The following LYRM4 variants were observed in gnomAD, a reference collection of about 807,000 sequenced individuals.
LYRM4 encodes LYR motif-containing protein 4.
A neutral mutation model predicts 11.7 loss-of-function variants in LYRM4; 9 were observed. The observed-to-expected ratio is 0.77, with a 90% CI of 0.46 to 1.34. The LOEUF is 1.34. Among genes scored for constraint, LYRM4 ranks in the 40% most tolerant of loss-of-function variants. LYRM4 has a pLI of 0.00. For synonymous variants in LYRM4, 42 were observed against 40.4 expected (o/e 1.04, Z -0.15); for missense variants, 133 against 112.5 (o/e 1.18, Z -0.82).
At chr6:5,144,885 T>G (rs918105630) in intron 2 of LYRM4, among the ~76,000 whole-genome samples, 23 of 152,206 alleles carry the variant, frequency 1.5e-4, no homozygotes, top group African/African-American at 4.6e-4. Flanking sequence ...AGGTCTCCTT[T>G]AGGTCTGTGC....
At chr6:5,258,911 A>G (rs1212733306) in intron 1 of LYRM4, among the ~76,000 whole-genome samples, 3 of 152,246 alleles carry the variant, frequency 2.0e-5, no homozygotes, top group Admixed American at 2.0e-4. Context: ...AGTTTCGTGA[A>G]TGATTTTCCT....
chr6:5,197,481 G>T (rs1222574996), intron 2 of LYRM4, among the ~76,000 whole-genome samples: 2 of 152,034 alleles, frequency 1.3e-5, no homozygotes, highest in Non-Finnish European at 2.9e-5. Context: ...AGACCAGCCT[G>T]GCCAAGATGG....
chr6:5,120,944 C>G (rs564593120), intron 2 of LYRM4, among the ~76,000 whole-genome samples: 2 of 152,186 alleles, frequency 1.3e-5, no homozygotes, highest in African/African-American at 4.8e-5. Flanking sequence ...GGTGGCCCAG[C>G]CCTACCTGTG....
chr6:5,157,470 T>C (rs572186225), intron 2 of LYRM4, among the ~76,000 whole-genome samples: 27 of 150,358 alleles, frequency 1.8e-4, no homozygotes, highest in Admixed American at 3.3e-4. Flanking sequence ...GTTCTTTGCA[T>C]GAGCCCTGCA....
chr6:5,072,835 G>C, the LYRM4 span, among the ~76,000 whole-genome samples: 1 of 151,874 alleles, frequency 6.6e-6, no homozygotes, highest in Admixed American at 6.6e-5. Flanking sequence ...GAGGGGCAGG[G>C]GATGAAGACT....
At chr6:5,180,376 A>G (rs922412128) in intron 2 of LYRM4, among the ~76,000 whole-genome samples, 7 of 152,134 alleles carry the variant, frequency 4.6e-5, no homozygotes, top group Non-Finnish European at 1.0e-4. Flanking sequence ...TCCTGTCAAT[A>G]TTCAGTCTGC....
the LYRM4 span, among the ~76,000 whole-genome samples, chr6:5,055,292 C>A: frequency 2.0e-5 from 3 of 152,184 alleles, no homozygotes; most frequent in Admixed American, 1.3e-4. This position sits in a 1 kb window ranked among gnomAD's most constrained non-coding sequence, Gnocchi z 4.5. Flanking sequence ...CCACCTTGGG[C>A]ACATGTTCTC....
the LYRM4 span, among the ~76,000 whole-genome samples, chr6:5,035,249 G>T: frequency 1.3e-5 from 2 of 151,936 alleles, no homozygotes; most frequent in African/African-American, 4.8e-5. Flanking sequence ...CCTTACCCTG[G>T]GGGGTCCAGT....
intron 1 of LYRM4, among the ~76,000 whole-genome samples, chr6:5,225,796 G>C (rs1168652072): frequency 2.0e-5 from 3 of 152,180 alleles, no homozygotes; most frequent in Admixed American, 2.0e-4. Flanking sequence ...ACATTATAAG[G>C]CTGTTTTCCT....
intron 1 of LYRM4, among the ~76,000 whole-genome samples, chr6:5,253,094 A>C (rs1020221911): frequency 4.6e-5 from 7 of 152,208 alleles, no homozygotes; most frequent in Non-Finnish European, 2.9e-5. Flanking sequence ...TAGGAGGCTC[A>C]TTTTGATCTG....
At chr6:5,086,391 C>G in the LYRM4 span, 1 of 1,536,222 alleles carries the variant, frequency 6.5e-7, no homozygotes, top group Non-Finnish European at 8.7e-7. Flanking sequence ...GCTTCCACTT[C>G]TCGCTGTGCC....
At chr6:5,196,804 A>G (rs1761080529) in intron 2 of LYRM4, among the ~76,000 whole-genome samples, 1 of 152,138 alleles carries the variant, frequency 6.6e-6, no homozygotes, top group African/African-American at 2.4e-5. Context: ...CTCCTTTCTC[A>G]CAGGAAAAAA....
At chr6:5,098,567 C>T in the LYRM4 span, among the ~76,000 whole-genome samples, 1 of 152,240 alleles carries the variant, frequency 6.6e-6, no homozygotes, top group African/African-American at 2.4e-5. Flanking sequence ...GGAGTGTGTA[C>T]ACACGAGCAC....
intron 2 of LYRM4, among the ~76,000 whole-genome samples, chr6:5,152,125 G>T (rs1431152930): frequency 1.3e-5 from 2 of 152,208 alleles, no homozygotes; most frequent in Non-Finnish European, 2.9e-5. Context: ...TATGGGAACT[G>T]GAAAGGACCT....
intron 2 of LYRM4, among the ~76,000 whole-genome samples, chr6:5,157,434 T>C (rs1758479604): frequency 6.6e-6 from 1 of 151,978 alleles, no homozygotes; most frequent in African/African-American, 2.4e-5. Flanking sequence ...CAATTAGATA[T>C]TCACAACCAG....
At chr6:5,192,636 G>C (rs1049813028) in intron 2 of LYRM4, among the ~76,000 whole-genome samples, 5 of 152,196 alleles carry the variant, frequency 3.3e-5, no homozygotes, top group African/African-American at 4.8e-5. Context: ...TGGGGCTGTT[G>C]CTGCTGTCCT....
intron 2 of LYRM4, chr6:5,136,374 G>T: frequency 1.0e-6 from 1 of 985,422 alleles, no homozygotes. Flanking sequence ...TGGGTTGAGG[G>T]TGGAGAAGCG....
the LYRM4 span, among the ~76,000 whole-genome samples, chr6:5,097,917 G>A: frequency 3.9e-5 from 6 of 152,268 alleles, no homozygotes; most frequent in East Asian, 1.2e-3. Flanking sequence ...TTATCCACCC[G>A]ATCTAAAGCA....
In LYRM4 at chr6:5,112,381, A is replaced by T. The variant is rs528445097; in HGVS notation, c.208-2890T>A. Among the ~76,000 whole-genome samples, 151 of 152,312 alleles carry T rather than the reference A, an allele frequency of 9.9e-4. 1 individual carries two copies. Among genetic ancestry groups the T allele is most frequent in the Non-Finnish European group, 1.9e-3 (131 of 68,020 alleles). ...CAGATCTGTGATGAGCGAGCGAGCG[A>T]AGGAATCTGAGCCCAATGCACTGAG... is the stretch of plus-strand genomic sequence containing the variant. On this transcript the variant is annotated intron_variant, in intron 2 of 2. Coordinates refer to ENST00000330636, the MANE Select transcript of LYRM4 (RefSeq NM_020408.6).
Sources: allele counts gnomAD v4.1 joint callset (sites outside exome capture counted in the v4.1 genomes callset), GRCh38; gene constraint gnomAD v4.1.1; non-coding constraint Gnocchi (gnomAD v3.1); transcripts MANE v1.5; gene names NCBI Gene and HGNC (gene_info 2026-07-23, HGNC 2026-07-21).